Variants in ABRACL observed in about 807,000 individuals in gnomAD.
ABRACL encodes the protein costars family protein ABRACL.
Under a neutral mutation model 7.0 loss-of-function variants are expected in ABRACL, and 4 were observed. The ratio of observed to expected loss-of-function variants is 0.57; its 90% CI spans 0.28 to 1.30. ABRACL has a LOEUF of 1.30. Among genes scored for constraint, ABRACL ranks in the 50% most tolerant of loss-of-function variants. The pLI is 0.10. For missense variants in ABRACL, 104 were observed against 97.3 expected (o/e 1.07, Z -0.29); for synonymous variants, 30 against 36.0 (o/e 0.83, Z 0.60).
At chr6:139,041,513 G>GTGTA (rs1221821725) in intron 2 of ABRACL, among the ~76,000 whole-genome samples, 3 of 43,094 alleles carry the variant, frequency 7.0e-5, no homozygotes, top group Non-Finnish European at 8.2e-5. Flanking sequence ...GTGTGTGTGT[G>GTGTA]TATATATATA....
At chr6:139,031,919 A>G (rs1393710484) in intron 1 of ABRACL, among the ~76,000 whole-genome samples, 1 of 152,080 alleles carries the variant, frequency 6.6e-6, no homozygotes, top group East Asian at 1.9e-4. Context: ...TGGGCAGACA[A>G]AACAACAGTT....
intron 1 of ABRACL, among the ~76,000 whole-genome samples, chr6:139,033,846 C>T (rs904687094): frequency 1.1e-4 from 9 of 83,664 alleles, no homozygotes; most frequent in Non-Finnish European, 2.4e-4. Flanking sequence ...ATGAAGAGGA[C>T]CTACGCATAG....
At chr6:139,034,261 A>G in intron 2 of ABRACL, 40 bp downstream of exon 2, 2 of 1,614,144 alleles carry the variant, frequency 1.2e-6, no homozygotes, top group Non-Finnish European at 8.5e-7. Flanking sequence ...TCCTGGCTTT[A>G]CCTTGGAACA....
At chr6:139,029,830 C>T (rs1468333024) in intron 1 of ABRACL, among the ~76,000 whole-genome samples, 1 of 152,204 alleles carries the variant, frequency 6.6e-6, no homozygotes, top group African/African-American at 2.4e-5. Flanking sequence ...CCGGACATAC[C>T]TATTCCAGTA....
intron 2 of ABRACL, among the ~76,000 whole-genome samples, chr6:139,037,625 G>A (rs547962591): frequency 1.3e-5 from 2 of 152,034 alleles, no homozygotes; most frequent in African/African-American, 2.4e-5. Context: ...TTTCTCCCAC[G>A]CATTTCACCA....
At chr6:139,034,347 C>T in intron 2 of ABRACL, 126 bp downstream of exon 2, 1 of 1,581,626 alleles carries the variant, frequency 6.3e-7, no homozygotes, top group Non-Finnish European at 8.6e-7. Flanking sequence ...GAGCTCTGCC[C>T]ACAGCCCCAG....
chr6:139,041,447 C>A lies in ABRACL; in HGVS notation c.62-1272C>A, dbSNP rs200855280. On this transcript the variant is annotated intron_variant, in intron 2 of 2. Coordinates refer to ENST00000367660, the MANE Select transcript of ABRACL (RefSeq NM_021243.3). ...CCCATCTCTCTCTCTCTCTCTCTCT[C>A]TCTCTATATATATATATATATATTT... Among the ~76,000 whole-genome samples, 555 of 66,766 alleles carry A rather than the reference C, an allele frequency of 8.3e-3. 3 individuals are homozygous for A. Among genetic ancestry groups the A allele is most frequent in the African/African-American group, 0.02 (491 of 24,734 alleles). The allele number at this position is 66,766 out of a possible 152,430, so 43.8% of individuals were successfully genotyped here. A position where few individuals can be genotyped will look rare whatever the true frequency, so the allele number is the denominator to read the frequency against.
intron 2 of ABRACL, chr6:139,034,442 G>A (rs934202232): frequency 1.2e-5 from 18 of 1,472,032 alleles, no homozygotes; most frequent in Non-Finnish European, 1.5e-5. Flanking sequence ...GAATAGTTGA[G>A]ATATTTCATT....
intron 2 of ABRACL, among the ~76,000 whole-genome samples, chr6:139,037,417 C>A (rs541946445): frequency 6.6e-6 from 1 of 152,174 alleles, no homozygotes; most frequent in African/African-American, 2.4e-5. Flanking sequence ...TCCACGACCA[C>A]GCCTGGTTAA....
intron 2 of ABRACL, chr6:139,034,664 T>C (rs1160002820): frequency 3.1e-6 from 1 of 318,238 alleles, no homozygotes; most frequent in Non-Finnish European, 5.8e-6. Context: ...GGGATTTACA[T>C]TGAAATTATA....
chr6:139,032,265 T>C (rs1344900840), intron 1 of ABRACL, among the ~76,000 whole-genome samples: 1 of 152,188 alleles, frequency 6.6e-6, no homozygotes, highest in Non-Finnish European at 1.5e-5. Flanking sequence ...CGCCCGGGCT[T>C]TCCTACTTTT....
chr6:139,034,382 T>C (rs977058215), intron 2 of ABRACL, 161 bp downstream of exon 2: 19 of 1,556,716 alleles, frequency 1.2e-5, no homozygotes, highest in Non-Finnish European at 1.5e-5. Context: ...TAGCCAGGAA[T>C]TGACATCTGG....
intron 2 of ABRACL, among the ~76,000 whole-genome samples, chr6:139,039,936 G>A (rs2498643): frequency 0.4 from 61,318 of 151,712 alleles, 13,933 homozygotes; most frequent in East Asian, 0.91. Context: ...TAAAAATAAA[G>A]ATAAATTAAG....
In ABRACL at chr6:139,042,975, A is replaced by G; in HGVS notation, c.*72A>G. 1 of 1,237,132 alleles carries G rather than the reference A, an allele frequency of 8.1e-7. No individual in the cohort carries two copies. The highest frequency in any genetic ancestry group is 1.1e-6 in the Non-Finnish European group (1 of 900,754). The allele number at this position is 1,237,132 out of a possible 1,614,324, so 76.6% of individuals were successfully genotyped here. ...ACTGGAATATAAAGTGAAAGAACAA[A>G]CATTTGAACATACTTAATGTATTTT... On this transcript the variant is annotated 3_prime_UTR_variant, in exon 3 of 3. Coordinates refer to ENST00000367660, the MANE Select transcript of ABRACL (RefSeq NM_021243.3).
At chr6:139,030,364 C>A (rs1224370507) in intron 1 of ABRACL, among the ~76,000 whole-genome samples, 1 of 152,158 alleles carries the variant, frequency 6.6e-6, no homozygotes. Context: ...CTGATCAATG[C>A]AACACCAGGT....
intron 2 of ABRACL, among the ~76,000 whole-genome samples, chr6:139,040,460 G>T (rs1282342539): frequency 1.3e-5 from 2 of 152,190 alleles, no homozygotes; most frequent in African/African-American, 4.8e-5. Context: ...AACCAAAGTT[G>T]AGAATTTACT....
rs1786277697 is a variant in ABRACL, at chr6:139,043,048, C to T, written c.*145C>T. 1 of 588,912 alleles carries T rather than the reference C, an allele frequency of 1.7e-6. No homozygotes were observed. Among genetic ancestry groups the T allele is most frequent in the South Asian group, 4.1e-5 (1 of 24,476 alleles). The allele number at this position is 588,912 out of a possible 1,614,324, so 36.5% of individuals were successfully genotyped here. A position where few individuals can be genotyped will look rare whatever the true frequency, so the allele number is the denominator to read the frequency against. Reference sequence around the variant, plus strand: ...GAGATTCATGTTTTAGAAGTCTGTCCTTTTTTATATCTTGAAAGAAAATCT... The same window carrying T: ...GAGATTCATGTTTTAGAAGTCTGTCTTTTTTTATATCTTGAAAGAAAATCT... On this transcript the variant is annotated 3_prime_UTR_variant, in exon 3 of 3. Coordinates refer to ENST00000367660, the MANE Select transcript of ABRACL (RefSeq NM_021243.3).
In ABRACL at chr6:139,034,212, G is replaced by T; in HGVS notation, c.52G>T (p.Gly18Cys). ...NLLVEEIHRLGSKNADGKLSV... is the reference protein window; with the variant it reads ...NLLVEEIHRLCSKNADGKLSV... ...CTTAGTGGAGGAAATTCATCGTTTG[G>T]GTTCAAAAAGTAAGTATCTGACAGA... The change falls in exon 2 of 3, where the codon GGT (glycine) becomes TGT (cysteine). Residue 18 changes from glycine to cysteine, a missense_variant. Gly to Cys is a radical substitution (Grantham distance 159). Coordinates refer to ENST00000367660, the MANE Select transcript of ABRACL (RefSeq NM_021243.3). 1.9e-6 allele frequency: 3 copies of T among 1,614,092 alleles called. No homozygotes were observed. Among genetic ancestry groups the T allele is most frequent in the Non-Finnish European group, 2.5e-6 (3 of 1,180,022 alleles).
At chr6:139,041,475 ATATTTC>A (rs1243525993) in intron 2 of ABRACL, among the ~76,000 whole-genome samples, 2 of 112,340 alleles carry the variant, frequency 1.8e-5, no homozygotes, top group Non-Finnish European at 3.7e-5. Context: ...ATATATTTCT[ATATTTC>A]TATATATATA....
Sources: allele counts gnomAD v4.1 joint callset (sites outside exome capture counted in the v4.1 genomes callset), GRCh38; gene constraint gnomAD v4.1.1; transcripts MANE v1.5; gene names NCBI Gene and HGNC (gene_info 2026-07-23, HGNC 2026-07-21).